CRB1: variants seen among roughly 807,000 people sequenced by gnomAD.
CRB1 encodes protein crumbs homolog 1.
CRB1 carries 83 observed loss-of-function variants against 120.0 expected under a neutral mutation model. The observed-to-expected ratio is 0.69, with a 90% CI of 0.58 to 0.83. The LOEUF is 0.83. Among genes scored for constraint, CRB1 ranks in the 40% least tolerant of loss-of-function variants. CRB1 has a pLI of 0.00. For missense variants in CRB1, 1,699 were observed against 1,687.6 expected (o/e 1.01, Z -0.12); for synonymous variants, 625 against 612.5 (o/e 1.02, Z -0.30).
chr1:197,436,121 T>G (rs1480231559), intron 9 of CRB1, among the ~76,000 whole-genome samples: 1 of 152,118 alleles, frequency 6.6e-6, no homozygotes, highest in African/African-American at 2.4e-5. Context: ...CATTTAACTT[T>G]TAACTCTCCC....
rs1352663513 is a variant in CRB1 at position 197,328,830 on chromosome 1, G to C, written c.479G>C (p.Gly160Ala). Residue 160 changes from glycine (G) to alanine (A), a missense_variant, in exon 2 of 12, where the codon GGG (glycine) becomes GCG (alanine). Transcript: ENST00000367400. The part of the protein sequence containing the change: ...DECASSPCQN[G>A]AVCQDGIDGY... ...TGTGCTTCCAGCCCTTGCCAAAATG[G>C]GGCCGTGTGCCAGGATGGAATTGAT... 6.2e-7 allele frequency: 1 copy of C among 1,614,116 alleles called. No individual in the cohort carries two copies. The highest frequency in any genetic ancestry group is 2.2e-5 in the East Asian group (1 of 44,880).
At chr1:197,436,038 A>G (rs1367799518) in intron 9 of CRB1, among the ~76,000 whole-genome samples, 1 of 152,118 alleles carries the variant, frequency 6.6e-6, no homozygotes, top group Non-Finnish European at 1.5e-5. Context: ...TCCCGAAAAC[A>G]GTACATTAAA....
the CRB1 span, among the ~76,000 whole-genome samples, chr1:197,225,453 A>G: frequency 6.6e-6 from 1 of 152,212 alleles, no homozygotes; most frequent in Non-Finnish European, 1.5e-5. Context: ...AGCTCTTTCC[A>G]TCCCTCTCAG....
At chr1:197,303,904 CA>C (rs1216999471) in intron 1 of CRB1, among the ~76,000 whole-genome samples, 1 of 152,136 alleles carries the variant, frequency 6.6e-6, no homozygotes, top group Admixed American at 6.6e-5. Flanking sequence ...AGGAGTGTAG[CA>C]TGAGCCCAGG....
the CRB1 span, among the ~76,000 whole-genome samples, chr1:197,237,624 A>C: frequency 6.6e-6 from 1 of 152,160 alleles, no homozygotes; most frequent in Non-Finnish European, 1.5e-5. Flanking sequence ...GAATTGGTCC[A>C]TTTCATTTAA....
chr1:197,332,010 TA>T (rs1376098423), intron 2 of CRB1, among the ~76,000 whole-genome samples: 1 of 151,794 alleles, frequency 6.6e-6, no homozygotes, highest in East Asian at 1.9e-4. Context: ...ACATCTCTAC[TA>T]AAAATACAAG....
chr1:197,237,525 T>G, the CRB1 span, among the ~76,000 whole-genome samples: 7 of 152,172 alleles, frequency 4.6e-5, no homozygotes, highest in African/African-American at 1.7e-4. Context: ...TATATGAATT[T>G]TGGGGGAGGG....
At chr1:197,332,771 T>G (rs1225966063) in intron 2 of CRB1, among the ~76,000 whole-genome samples, 1 of 152,202 alleles carries the variant, frequency 6.6e-6, no homozygotes, top group Non-Finnish European at 1.5e-5. Flanking sequence ...TAAGTTCATG[T>G]GAGCTTTATT....
Position 197,291,732 on chromosome 1 carries a change from T to C in CRB1, c.70+23250T>C, listed in dbSNP as rs866502105. On this transcript the variant is annotated intron_variant, in intron 1 of 11. Transcript: ENST00000367400. ...GACAGCCTGTTATTATTCATTGAAA[T>C]TTTAGATTGCATATATAATTATAAT... 2.6e-5 allele frequency among the ~76,000 whole-genome samples: 4 copies of C among 151,956 alleles called. 1 individual carries two copies. The highest frequency in any genetic ancestry group is 6.8e-3 in the Middle Eastern group (2 of 294).
the CRB1 span, among the ~76,000 whole-genome samples, chr1:197,227,041 G>A: frequency 1.3e-5 from 2 of 152,256 alleles, no homozygotes; most frequent in South Asian, 4.1e-4. Flanking sequence ...GATGAGCTTT[G>A]GGTGGGGACA....
At chr1:197,327,046 T>C (rs1430474682) in intron 1 of CRB1, among the ~76,000 whole-genome samples, 1 of 146,008 alleles carries the variant, frequency 6.8e-6, no homozygotes. Context: ...ACACTTACGA[T>C]GTGTCTGCAA....
chr1:197,387,924 C>T (rs893358151), intron 5 of CRB1, among the ~76,000 whole-genome samples: 1 of 151,682 alleles, frequency 6.6e-6, no homozygotes, highest in African/African-American at 2.4e-5. Flanking sequence ...TTTTCCCCAA[C>T]CTCCCCTCAC....
chr1:197,467,412 A>G (rs536175286), intron 11 of CRB1, among the ~76,000 whole-genome samples: 8 of 152,260 alleles, frequency 5.3e-5, no homozygotes, highest in African/African-American at 1.9e-4. Flanking sequence ...TTAAGAAAGA[A>G]GGCTTCCTTC....
chr1:197,248,004 T>C, the CRB1 span, among the ~76,000 whole-genome samples: 1 of 152,056 alleles, frequency 6.6e-6, no homozygotes, highest in Non-Finnish European at 1.5e-5. Flanking sequence ...CTTGTAAATG[T>C]TTCCATTTAA....
intron 5 of CRB1, among the ~76,000 whole-genome samples, chr1:197,406,660 T>C (rs1452882117): frequency 6.6e-6 from 1 of 152,238 alleles, no homozygotes; most frequent in Non-Finnish European, 1.5e-5. Context: ...ACAAAATGAA[T>C]GGATCTCTAA....
the CRB1 span, among the ~76,000 whole-genome samples, chr1:197,236,416 G>T: frequency 2.0e-5 from 3 of 152,028 alleles, no homozygotes; most frequent in East Asian, 1.9e-4. Context: ...GGCCGGGCTG[G>T]TCTCAAACTC....
chr1:197,411,144 A>G (rs1046199448), intron 5 of CRB1, among the ~76,000 whole-genome samples: 47 of 152,218 alleles, frequency 3.1e-4, no homozygotes, highest in African/African-American at 1.1e-3. Flanking sequence ...AAGTAAAATC[A>G]CTATCATATT....
chr1:197,310,596 C>A (rs1390443366), intron 1 of CRB1, among the ~76,000 whole-genome samples: 4 of 151,910 alleles, frequency 2.6e-5, no homozygotes, highest in Non-Finnish European at 1.5e-5. Context: ...AGAGTTCTAT[C>A]AAAAAACTTC....
chr1:197,324,220 A>G (rs1483370112), intron 1 of CRB1, among the ~76,000 whole-genome samples: 1 of 152,160 alleles, frequency 6.6e-6, no homozygotes, highest in East Asian at 1.9e-4. Flanking sequence ...TGATTCTCAG[A>G]GAATGTGTGC....
Sources: gnomAD v4.1 joint callset for allele counts (sites outside exome capture counted in the v4.1 genomes callset) on GRCh38, gnomAD v4.1.1 for gene constraint, MANE v1.5 for transcripts, NCBI Gene and HGNC (gene_info 2026-07-23, HGNC 2026-07-21) for gene names.